Variants in THOC2 observed in about 807,000 individuals in gnomAD.
THOC2 encodes THO complex 2.
Under a neutral mutation model 128.4 loss-of-function variants are expected in THOC2, and 10 were observed. That is an observed-to-expected ratio of 0.08 (90% CI 0.05 to 0.13). The LOEUF is 0.13. THOC2 is among the 10% of genes least tolerant of loss of function. THOC2 has a pLI of 1.00. For missense variants in THOC2, 535 were observed against 1,155.7 expected (o/e 0.46, Z 7.79); for synonymous variants, 393 against 396.9 (o/e 0.99, Z 0.12).
chrX:123,628,511 G>A (rs765237372), intron 22 of THOC2, among the ~76,000 whole-genome samples: 1 of 110,673 alleles, frequency 9.0e-6, no homozygotes, highest in South Asian at 3.9e-4. Context: ...TTGAGATCAG[G>A]AGTTTGAGAC....
chrX:123,693,465 CA>C (rs1385530713), intron 7 of THOC2, among the ~76,000 whole-genome samples: 1 of 111,198 alleles, frequency 9.0e-6, no homozygotes, highest in African/African-American at 3.3e-5. Flanking sequence ...GACTCTGTCT[CA>C]AAAAAATAAA....
At chrX:123,687,463 C>G (rs1014359914) in intron 7 of THOC2, among the ~76,000 whole-genome samples, 1 of 111,571 alleles carries the variant, frequency 9.0e-6, no homozygotes, top group Non-Finnish European at 1.9e-5. Flanking sequence ...CTTCATTGGG[C>G]TAACAAATAA....
chrX:123,726,649 A>G (rs1484452945), intron 1 of THOC2, among the ~76,000 whole-genome samples: 1 of 112,356 alleles, frequency 8.9e-6, no homozygotes, highest in Non-Finnish European at 1.9e-5. Flanking sequence ...AAGAGGTTGC[A>G]TCAGTGTTGC....
chrX:123,719,285 C>T (rs998468225), intron 1 of THOC2, among the ~76,000 whole-genome samples: 3 of 109,185 alleles, frequency 2.7e-5, no homozygotes, highest in African/African-American at 1.0e-4. Flanking sequence ...GAAAAAAAAA[C>T]CTCAAAATCA....
At position 123,624,914 on chromosome X, in the gene THOC2, G is replaced by GA. The variant is rs1328026979; in HGVS notation, c.3058-246dup. Among the ~76,000 whole-genome samples, 285 of 107,162 alleles carry GA rather than the reference G, an allele frequency of 2.7e-3. 1 individual carries two copies. The highest frequency in any genetic ancestry group is 9.8e-3 in the Middle Eastern group (2 of 204). 93.1% of individuals were successfully genotyped at this position (107,162 alleles called of 115,157 possible). A position where few individuals can be genotyped will look rare whatever the true frequency, so the allele number is the denominator to read the frequency against. On this transcript the variant is annotated intron_variant, in intron 25 of 38. Coordinates refer to ENST00000245838, the MANE Select transcript of THOC2 (RefSeq NM_001081550.2). The stretch of plus-strand genomic sequence containing the variant: ...AAGAAAGCTGATTTACAGTGACAAG[G>GA]AAAAAAAAATTTATCATTATTATTA...
rs60123342 is a variant in THOC2, at chrX:123,647,840, C to CAA, written c.1387-2467_1387-2466dup. Reference sequence around the variant, plus strand: ...TAAGCAACACAACAAGACTCTGTCTCAAAAAAAAAAAAAAAAAAAAAAGAT... The same window carrying CAA: ...TAAGCAACACAACAAGACTCTGTCTCAAAAAAAAAAAAAAAAAAAAAAAAGAT... On this transcript the variant is annotated intron_variant, in intron 12 of 38. Coordinates refer to ENST00000245838, the MANE Select transcript of THOC2 (RefSeq NM_001081550.2). 8.4e-3 allele frequency among the ~76,000 whole-genome samples: 312 copies of CAA among 37,196 alleles called. 8 individuals are homozygous for CAA. Among genetic ancestry groups the CAA allele is most frequent in the African/African-American group, 0.012 (110 of 9,413 alleles). 32.3% of individuals were successfully genotyped at this position (37,196 alleles called of 115,157 possible).
chrX:123,719,011 TA>T (rs1368362890), intron 1 of THOC2, among the ~76,000 whole-genome samples: 1 of 108,480 alleles, frequency 9.2e-6, no homozygotes, highest in Non-Finnish European at 1.9e-5. Context: ...CTGTCTCTAC[TA>T]AAAAAATTCG....
chrX:123,711,073 C>T (rs1258064318), intron 2 of THOC2, among the ~76,000 whole-genome samples: 1 of 103,172 alleles, frequency 9.7e-6, no homozygotes, highest in Non-Finnish European at 2.0e-5. Context: ...GGCTGGAGTG[C>T]AGTGGTGTGA....
At chrX:123,712,507 G>A (rs947883963) in intron 2 of THOC2, among the ~76,000 whole-genome samples, 1 of 111,682 alleles carries the variant, frequency 9.0e-6, no homozygotes, top group Non-Finnish European at 1.9e-5. Flanking sequence ...AAATTTTCTA[G>A]TGCAAATAAG....
Position 123,631,866 on chromosome X carries a change from A to G in THOC2, c.2317-14T>C. On this transcript the variant is annotated splice_polypyrimidine_tract_variant and intron_variant, in intron 21 of 38. Coordinates refer to ENST00000245838, the MANE Select transcript of THOC2 (RefSeq NM_001081550.2). The stretch of plus-strand genomic sequence containing the variant: ...GGTATCATGACACTAAATTTAAAAA[A>G]TAAGACAAAATCAACATATTTTCCA... The G allele has an allele frequency of 8.5e-7, 1 of 1,173,933 alleles. No homozygotes were observed. Among genetic ancestry groups the G allele is most frequent in the Non-Finnish European group, 1.1e-6 (1 of 874,521 alleles).
At chrX:123,699,177 A>G (rs1181675491) in intron 4 of THOC2, among the ~76,000 whole-genome samples, 1 of 112,264 alleles carries the variant, frequency 8.9e-6, no homozygotes, top group Non-Finnish European at 1.9e-5. Context: ...CTCATAATTT[A>G]GAATATGCTA....
chrX:123,700,757 C>T (rs1367033234), intron 4 of THOC2, among the ~76,000 whole-genome samples: 1 of 111,970 alleles, frequency 8.9e-6, no homozygotes, highest in African/African-American at 3.2e-5. Context: ...TTTTTCTGAT[C>T]TGTACTCCTA....
chrX:123,613,953 A>C, intron 34 of THOC2, 99 bp downstream of exon 34: 2 of 848,016 alleles, frequency 2.4e-6, no homozygotes. Flanking sequence ...GAAATAACAG[A>C]CTACTATGGA....
At chrX:123,623,496 G>C in intron 28 of THOC2, 1 of 542,313 alleles carries the variant, frequency 1.8e-6, no homozygotes, top group East Asian at 4.3e-5. Flanking sequence ...CTTAAACTAA[G>C]ATGGCTTTTT....
intron 4 of THOC2, among the ~76,000 whole-genome samples, chrX:123,700,544 T>TGGGGG (rs1216548328): frequency 2.2e-4 from 5 of 22,943 alleles, no homozygotes; most frequent in Non-Finnish European, 3.2e-4. Flanking sequence ...GGTGAGGGGG[T>TGGGGG]GGGGGGGGGT....
At chrX:123,637,225 G>A (rs935970882) in intron 18 of THOC2, among the ~76,000 whole-genome samples, 1 of 111,443 alleles carries the variant, frequency 9.0e-6, no homozygotes, top group Non-Finnish European at 1.9e-5. Context: ...TAAACATTTC[G>A]GACTTTAAAG....
intron 7 of THOC2, among the ~76,000 whole-genome samples, chrX:123,691,042 T>C (rs1320498389): frequency 9.0e-6 from 1 of 110,905 alleles, no homozygotes; most frequent in African/African-American, 3.3e-5. Context: ...CAAAACCCCA[T>C]CTCTACAAAA....
chrX:123,653,709 A>G (rs1391813496), intron 12 of THOC2, among the ~76,000 whole-genome samples: 1 of 112,334 alleles, frequency 8.9e-6, no homozygotes, highest in East Asian at 2.8e-4. Flanking sequence ...CAAAACCACA[A>G]TGAGATACCA....
At chrX:123,726,793 TATTA>T (rs970658682) in intron 1 of THOC2, among the ~76,000 whole-genome samples, 2 of 112,338 alleles carry the variant, frequency 1.8e-5, no homozygotes, top group African/African-American at 6.5e-5. Context: ...CATCATGAAC[TATTA>T]GTTAGAATCT....
Sources: allele counts gnomAD v4.1 joint callset (sites outside exome capture counted in the v4.1 genomes callset), GRCh38; gene constraint gnomAD v4.1.1; transcripts MANE v1.5; gene names NCBI Gene and HGNC (gene_info 2026-07-23, HGNC 2026-07-21).